The following FES variants were observed in gnomAD, a reference collection of about 807,000 sequenced individuals.
FES encodes FES proto-oncogene, tyrosine kinase, also known as tyrosine-protein kinase Fes/Fps.
In FES, 83 loss-of-function variants were observed where a neutral mutation model predicts 109.6. The observed-to-expected ratio is 0.76, with a 90% CI of 0.63 to 0.91. The LOEUF is 0.91. FES is among the 40% of genes least tolerant of loss of function. The pLI is 0.00. For missense variants in FES, 943 were observed against 1,070.9 expected (o/e 0.88, Z 1.67); for synonymous variants, 458 against 442.1 (o/e 1.04, Z -0.45).
At chr15:90,892,618 A>AC in intron 13 of FES, 89 bp from the exon 14 acceptor site, 2 of 1,363,800 alleles carry the variant, frequency 1.5e-6, no homozygotes, top group Admixed American at 4.2e-5. Flanking sequence ...GGGGCCCCTC[A>AC]CCCAGGGGTA....
At chr15:90,884,808 C>T in intron 1 of FES, 1 of 505,618 alleles carries the variant, frequency 2.0e-6, no homozygotes, top group Admixed American at 3.4e-5. Flanking sequence ...TCCAGGTTGG[C>T]TCCTGTTCCC....
In FES at chr15:90,893,425, G is replaced by T. The variant is rs374983565; in HGVS notation, c.2045+11G>T. The T allele has an allele frequency of 4.6e-6, 7 of 1,531,514 alleles. No homozygotes were observed. The highest frequency in any genetic ancestry group is 4.4e-6 in the Non-Finnish European group (5 of 1,143,642). 94.9% of individuals were successfully genotyped at this position (1,531,514 alleles called of 1,614,324 possible). Reference sequence around the variant, plus strand: ...GTGCTGCATCCACCGGTGAGTGGGCGGTGGCCACGGGCCCTGCCAACACCC... The same window carrying T: ...GTGCTGCATCCACCGGTGAGTGGGCTGTGGCCACGGGCCCTGCCAACACCC... On this transcript the variant is annotated intron_variant, in intron 16 of 18. Coordinates refer to ENST00000328850, the MANE Select transcript of FES (RefSeq NM_002005.4).
chr15:90,889,671 G>C lies in FES; in HGVS notation c.926+35G>C. 5 of 1,610,046 alleles carry C rather than the reference G, an allele frequency of 3.1e-6. No homozygotes were observed. The highest frequency in any genetic ancestry group is 4.2e-6 in the Non-Finnish European group (5 of 1,179,740). On this transcript the variant is annotated intron_variant, in intron 7 of 18. Transcript: ENST00000328850. This position sits in a 1 kb window ranked among gnomAD's most constrained non-coding sequence, Gnocchi z 6.1. Reference sequence around the variant, plus strand: ...GGCTTTGCACCTGGGCTGCGGCGGGGCTCCCAGCAGACCACGAGTGTTTAT... The same window carrying C: ...GGCTTTGCACCTGGGCTGCGGCGGGCCTCCCAGCAGACCACGAGTGTTTAT...
chr15:90,891,476 C>G (rs2033206912), intron 11 of FES, 78 bp from the exon 12 acceptor site: 4 of 1,596,426 alleles, frequency 2.5e-6, no homozygotes, highest in Middle Eastern at 1.7e-4. Context: ...TTCTCCCCTG[C>G]TGCTCTCCCT....
chr15:90,895,378 C>A, intron 18 of FES, 38 bp from the exon 19 acceptor site: 1 of 1,469,404 alleles, frequency 6.8e-7, no homozygotes, highest in South Asian at 1.4e-5. Flanking sequence ...CCCTCAAACT[C>A]CCTCCTCATG....
At chr15:90,892,995 T>C in intron 14 of FES, 105 bp from the exon 15 acceptor site, 2 of 1,403,118 alleles carry the variant, frequency 1.4e-6, no homozygotes, top group South Asian at 2.4e-5. Flanking sequence ...AGGTCACACG[T>C]CCGGGTCTGC....
chr15:90,892,604 C>A, intron 13 of FES, 103 bp from the exon 14 acceptor site: 2 of 1,152,678 alleles, frequency 1.7e-6, no homozygotes, highest in Non-Finnish European at 2.5e-6. Context: ...GGGGTCCGAA[C>A]ACGGGGGCCC....
Position 90,890,000 on chromosome 15 carries a change from C to G in FES, c.1049+38C>G. On this transcript the variant is annotated intron_variant, in intron 8 of 18. Coordinates refer to ENST00000328850, the MANE Select transcript of FES (RefSeq NM_002005.4). This position sits in a 1 kb window ranked among gnomAD's most constrained non-coding sequence, Gnocchi z 6.1. ...CTGCCTGCAGCAGCCTCCTGGGCCT[C>G]CCTCCCTCCTACCTACCCTAACTGC... is the stretch of plus-strand genomic sequence containing the variant. 2 of 1,602,108 alleles carry G rather than the reference C, an allele frequency of 1.2e-6. No individual in the cohort carries two copies. Among genetic ancestry groups the G allele is most frequent in the East Asian group, 2.2e-5 (1 of 44,606 alleles).
Position 90,892,811 on chromosome 15 carries a change from T to A in FES, c.1812T>A (p.Phe604Leu). Residue 604 changes from phenylalanine to leucine, a missense_variant, in exon 14 of 19, where the codon TTT becomes TTA. By Grantham distance (22) the Phe-to-Leu change is conservative. Transcript: ENST00000328850. ...ETLPPDLKAK[F>L]LQEARILKQY... ...TCCCACCTGACCTCAAGGCCAAGTTTCTACAGGAAGCGAGGTGGGTGATAA... is the reference window on the plus strand; with the variant it reads ...TCCCACCTGACCTCAAGGCCAAGTTACTACAGGAAGCGAGGTGGGTGATAA... The A allele has an allele frequency of 1.2e-5, 20 of 1,613,706 alleles. No homozygotes were observed. The highest frequency in any genetic ancestry group is 1.6e-5 in the Non-Finnish European group (19 of 1,179,848).
In FES at chr15:90,885,504, G is replaced by A. The variant is rs2032508259; in HGVS notation, c.306G>A (p.Leu102=). 2 of 1,613,272 alleles carry A rather than the reference G, an allele frequency of 1.2e-6. No individual in the cohort carries two copies. Among genetic ancestry groups the A allele is most frequent in the African/African-American group, 1.3e-5 (1 of 74,946 alleles). ...TGAACTCAGGGCCCCTGAGCAAGCT[G>A]AGCCTGCTCATCCGGGAACGGCAGC... The part of the protein sequence containing the change: ...EDLNSGPLSK[L]SLLIRERQQL... The change falls in exon 3 of 19, where the codon CTG becomes CTA. Residue 102 remains leucine (L), a synonymous_variant. Transcript: ENST00000328850.
Position 90,892,834 on chromosome 15 carries a change from T to C in FES, c.1826+9T>C. 2.5e-6 allele frequency: 4 copies of C among 1,611,578 alleles called. No individual in the cohort carries two copies. The highest frequency in any genetic ancestry group is 1.1e-5 in the South Asian group (1 of 91,040). On this transcript the variant is annotated intron_variant, in intron 14 of 18. Coordinates refer to ENST00000328850, the MANE Select transcript of FES (RefSeq NM_002005.4). The stretch of plus-strand genomic sequence containing the variant: ...TTTCTACAGGAAGCGAGGTGGGTGA[T>C]AAACTAATGATCACCACGGGTCCCG...
In FES at chr15:90,893,727, G is replaced by A. The variant is rs768759779; in HGVS notation, c.2119G>A (p.Glu707Lys). Reference sequence around the variant, plus strand: ...GATCAGTGACTTTGGGATGTCCCGAGAGGAAGCCGATGGGGTCTATGCAGC... The same window carrying A: ...GATCAGTGACTTTGGGATGTCCCGAAAGGAAGCCGATGGGGTCTATGCAGC... ...LKISDFGMSR[E>K]EADGVYAASG... Residue 707 changes from glutamate to lysine, a missense_variant, in exon 17 of 19, where the codon GAG (glutamate) becomes AAG (lysine). Glu to Lys is a moderately conservative substitution (Grantham distance 56). Coordinates refer to ENST00000328850, the MANE Select transcript of FES (RefSeq NM_002005.4). The A allele has an allele frequency of 5.0e-6, 8 of 1,612,210 alleles. No individual in the cohort carries two copies. In the East Asian group the frequency reaches 1.6e-4, roughly 31 times the overall value.
Position 90,887,325 on chromosome 15 carries a change from T to G in FES, c.623T>G (p.Leu208Arg). 6.2e-7 allele frequency: 1 copy of G among 1,613,088 alleles called. No individual in the cohort carries two copies. The highest frequency in any genetic ancestry group is 8.5e-7 in the Non-Finnish European group (1 of 1,180,016). Residue 208 changes from leucine (L) to arginine (R), a missense_variant, in exon 5 of 19, where the codon CTG becomes CGG. Transcript: ENST00000328850. ...CACCACCAGCTCCTGCTGCCCGGCC[T>G]GCTGCGGTCACTGCAGGACCTGCAC... ...QHHHQLLLPG[L>R]LRSLQDLHEE...
At chr15:90,890,862 T>C in intron 10 of FES, 120 bp from the exon 11 acceptor site, 3 of 1,014,234 alleles carry the variant, frequency 3.0e-6, no homozygotes, top group Non-Finnish European at 4.3e-6. Context: ...TGGCTCTGCA[T>C]GCCACTCCAT....
intron 13 of FES, 132 bp from the exon 14 acceptor site, chr15:90,892,575 T>C: frequency 2.6e-6 from 2 of 768,506 alleles, no homozygotes; most frequent in Admixed American, 2.9e-5. Context: ...AGGGTCAAAC[T>C]CCCAGAGAGC....
intron 5 of FES, among the ~76,000 whole-genome samples, chr15:90,888,049 A>T (rs1013893137): frequency 9.2e-5 from 14 of 152,078 alleles, no homozygotes; most frequent in Non-Finnish European, 1.9e-4. Context: ...CATGGTGAGG[A>T]CTTTGGCTCT....
chr15:90,886,196 T>C (rs2151244631), intron 3 of FES, among the ~76,000 whole-genome samples: 1 of 152,346 alleles, frequency 6.6e-6, no homozygotes, highest in East Asian at 1.9e-4. Flanking sequence ...CGGCCCCTGG[T>C]GGCCACCCTG....
chr15:90,886,219 G>A (rs970046575), intron 3 of FES, among the ~76,000 whole-genome samples: 8 of 152,158 alleles, frequency 5.3e-5, no homozygotes, highest in Non-Finnish European at 1.0e-4. Flanking sequence ...CCCATTCCTC[G>A]CCCCAAAAGA....
At chr15:90,895,258 G>A (rs1198143253) in intron 18 of FES, among the ~76,000 whole-genome samples, 158 bp from the exon 19 acceptor site, 5 of 152,168 alleles carry the variant, frequency 3.3e-5, no homozygotes, top group Non-Finnish European at 7.3e-5. Context: ...AGGATCAGAA[G>A]CCAGGCCTCT....
Sources: allele counts gnomAD v4.1 joint callset (sites outside exome capture counted in the v4.1 genomes callset), GRCh38; gene constraint gnomAD v4.1.1; non-coding constraint Gnocchi (gnomAD v3.1); transcripts MANE v1.5; gene names NCBI Gene and HGNC (gene_info 2026-07-23, HGNC 2026-07-21).